The following TLN1 variants were observed in gnomAD, a reference collection of about 807,000 sequenced individuals.
The protein encoded by TLN1 is talin 1.
In TLN1, 56 loss-of-function variants were observed where a neutral mutation model predicts 292.3. That is an observed-to-expected ratio of 0.19 (90% CI 0.15 to 0.24). The LOEUF (loss-of-function observed/expected upper bound fraction) is 0.24, where lower values mean the gene tolerates loss of function less well. Ranked by LOEUF, TLN1 falls within the 10% of genes least tolerant of loss-of-function variation. TLN1 has a pLI of 1.00. For synonymous variants in TLN1, 1,119 were observed against 1,253.7 expected (o/e 0.89, Z 2.27); for missense variants, 2,433 against 3,248.2 (o/e 0.75, Z 6.10).
chr9:35,705,855 A>AG lies in TLN1; in HGVS notation c.5512-5dup, dbSNP rs748911351. 34 of 1,613,966 alleles carry AG rather than the reference A, an allele frequency of 2.1e-5. No homozygotes were observed. The Middle Eastern group carries it at 1.6e-3, about 78-fold the overall frequency. ...CACCCATTGGTCCTTCATCTAGCTG[A>AG]GGGGGGAGGATAGGGAAAGGGAAAG... On this transcript the variant is annotated splice_region_variant and splice_polypyrimidine_tract_variant and intron_variant, in intron 41 of 56. Coordinates refer to ENST00000314888, the MANE Select transcript of TLN1 (RefSeq NM_006289.4).
Position 35,718,921 on chromosome 9 carries a change from T to G in TLN1, c.1897-11A>C. 1 of 1,609,910 alleles carries G rather than the reference T, an allele frequency of 6.2e-7. No homozygotes were observed. Among genetic ancestry groups the G allele is most frequent in the South Asian group, 1.1e-5 (1 of 90,438 alleles). On this transcript the variant is annotated splice_polypyrimidine_tract_variant and intron_variant, in intron 16 of 56. Transcript: ENST00000314888. ...CAGGTTCTGACGGGGCTGTGGAGAG[T>G]GAACACCAGTCAGAAGCTGCCCAAT...
rs372281969 is a variant in TLN1 at position 35,719,622 on chromosome 9, A to G, written c.1584T>C (p.Ser528=). 15 of 1,613,948 alleles carry G rather than the reference A, an allele frequency of 9.3e-6. No individual in the cohort carries two copies. The highest frequency in any genetic ancestry group is 1.3e-5 in the Non-Finnish European group (15 of 1,179,806). ...CCATCTTGTTTTTACGCCAGGCCTT[A>G]GAGGCCTGAAAGAGAGAGGAAAAGC... ...TLPPLGQDAA[S]KAWRKNKMDE... The change falls in exon 15 of 57, where the codon TCT becomes TCC. Residue 528 remains serine, a synonymous_variant. Transcript: ENST00000314888. The surrounding 1 kb of genome is among the most constrained non-coding windows in gnomAD (Gnocchi z 4.6).
rs762166245 is a variant in TLN1 at position 35,698,160 on chromosome 9, C to T, written c.7384G>A (p.Ala2462Thr). The change falls in exon 56 of 57, where the codon GCA (alanine) becomes ACA (threonine). Residue 2462 changes from alanine to threonine, a missense_variant. This residue lies in a region of TLN1 where 141 missense variants were observed against 248.5 expected (regional missense o/e 0.57). Transcript: ENST00000314888. This position sits in a 1 kb window ranked among gnomAD's most constrained non-coding sequence, Gnocchi z 5.3. Reference protein sequence around the residue: ...AMKRLQAAGNAVKRASDNLVK... With the variant: ...AMKRLQAAGNTVKRASDNLVK... The stretch of plus-strand genomic sequence containing the variant: ...AGATTATCTGAGGCTCGCTTCACTG[C>T]GTTGCCAGCAGCCTGGGCAGAGAGA... The T allele has an allele frequency of 3.1e-6, 5 of 1,613,956 alleles. No individual in the cohort carries two copies. The highest frequency in any genetic ancestry group is 1.1e-5 in the South Asian group (1 of 91,086).
At position 35,714,917 on chromosome 9, in the gene TLN1, C is replaced by T. The variant is rs1442486325; in HGVS notation, c.2755-41G>A. On this transcript the variant is annotated intron_variant, in intron 21 of 56. Transcript: ENST00000314888. This position sits in a 1 kb window ranked among gnomAD's most constrained non-coding sequence, Gnocchi z 4.6. ...TAGTCAGACCAAGCCCATGGATTCC[C>T]ATGCCCAGCCCAGTCCCTGGCCTAC... The T allele has an allele frequency of 1.2e-6, 2 of 1,600,482 alleles. No homozygotes were observed. The highest frequency in any genetic ancestry group is 8.5e-7 in the Non-Finnish European group (1 of 1,173,198).
At position 35,724,307 on chromosome 9, in the gene TLN1, A is replaced by G; in HGVS notation, c.539T>C (p.Leu180Pro). 6.2e-7 allele frequency: 1 copy of G among 1,614,104 alleles called. No individual in the cohort carries two copies. The highest frequency in any genetic ancestry group is 8.5e-7 in the Non-Finnish European group (1 of 1,180,008). ...GTGCTCCTCTACACCCTGCTCCCTC[A>G]GTGTCCGACCATGGTCCAGCCAGTT... is the stretch of plus-strand genomic sequence containing the variant. Reference protein sequence around the residue: ...ELNWLDHGRTLREQGVEEHET... With the variant: ...ELNWLDHGRTPREQGVEEHET... The change falls in exon 6 of 57, where the codon CTG (leucine) becomes CCG (proline). Residue 180 changes from leucine to proline, a missense_variant. By Grantham distance (98) the Leu-to-Pro change is moderately conservative (BLOSUM62 -3). This residue lies in a region of TLN1 where 155 missense variants were observed against 287.9 expected (regional missense o/e 0.54). Coordinates refer to ENST00000314888, the MANE Select transcript of TLN1 (RefSeq NM_006289.4). The surrounding 1 kb of genome is among the most constrained non-coding windows in gnomAD (Gnocchi z 4.7).
intron 48 of TLN1, among the ~76,000 whole-genome samples, chr9:35,701,189 G>C (rs1825460731): frequency 6.6e-6 from 1 of 152,180 alleles, no homozygotes; most frequent in Admixed American, 6.5e-5. Flanking sequence ...AGAACTGATG[G>C]TGCAGGGGGA....
At chr9:35,728,423 C>T (rs1407635435) in intron 1 of TLN1, among the ~76,000 whole-genome samples, 13 of 152,128 alleles carry the variant, frequency 8.5e-5, no homozygotes, top group African/African-American at 1.2e-4. Flanking sequence ...CTGACATATC[C>T]GGCCTCAGGC....
At chr9:35,715,224 C>T in intron 20 of TLN1, 37 bp from the exon 21 acceptor site, 2 of 1,601,432 alleles carry the variant, frequency 1.2e-6, no homozygotes, top group Non-Finnish European at 8.5e-7. Flanking sequence ...TCACCCAGCT[C>T]TCCTGTGGAT....
chr9:35,724,905 C>T lies in TLN1; in HGVS notation c.283G>A (p.Gly95Arg). 8 of 1,614,216 alleles carry T rather than the reference C, an allele frequency of 5.0e-6. No homozygotes were observed. Among genetic ancestry groups the T allele is most frequent in the Non-Finnish European group, 6.8e-6 (8 of 1,180,052 alleles). ...QRPLKIRMLDGTVKTIMVDDS... is the reference protein window; with the variant it reads ...QRPLKIRMLDRTVKTIMVDDS... ...TCCACCATGATCGTCTTCACAGTTC[C>T]ATCCAGCATACGGATCTTCAGGGGT... Residue 95 changes from glycine to arginine, a missense_variant, in exon 4 of 57, where the codon GGA (glycine) becomes AGA (arginine). Transcript: ENST00000314888. This position sits in a 1 kb window ranked among gnomAD's most constrained non-coding sequence, Gnocchi z 4.7.
At position 35,698,869 on chromosome 9, in the gene TLN1, G is replaced by A; in HGVS notation, c.7064C>T (p.Ala2355Val). Residue 2355 changes from alanine (A) to valine (V), a missense_variant, in exon 53 of 57, where the codon GCC (alanine) becomes GTC (valine). By Grantham distance (64) the Ala-to-Val change is moderately conservative (BLOSUM62 0). This residue lies in a region of TLN1 where 141 missense variants were observed against 248.5 expected (regional missense o/e 0.57). Coordinates refer to ENST00000314888, the MANE Select transcript of TLN1 (RefSeq NM_006289.4). The surrounding 1 kb of genome is among the most constrained non-coding windows in gnomAD (Gnocchi z 5.3). ...ILEAAKSIAA[A>V]TSALVKAASA... ...CGCAGCCTTTACCAGTGCACTGGTGGCTGCTGCAATGGACTTGGCAGCTTC... is the reference window on the plus strand; with the variant it reads ...CGCAGCCTTTACCAGTGCACTGGTGACTGCTGCAATGGACTTGGCAGCTTC... The A allele has an allele frequency of 6.2e-7, 1 of 1,614,136 alleles. No homozygotes were observed. The highest frequency in any genetic ancestry group is 1.1e-5 in the South Asian group (1 of 91,084).
In TLN1 at chr9:35,706,791, G is replaced by C. The variant is rs2131886902; in HGVS notation, c.5065C>G (p.Pro1689Ala). ...SLAAVSQQLA[P>A]REGISQEALH... ...ACCTCTTGAGAGATTCCCTCACGGGGAGCAAGCTGCTGGCTGACTGCAGCG... is the reference window on the plus strand; with the variant it reads ...ACCTCTTGAGAGATTCCCTCACGGGCAGCAAGCTGCTGGCTGACTGCAGCG... Residue 1689 changes from proline (P) to alanine (A), a missense_variant, in exon 38 of 57, where the codon CCC (proline) becomes GCC (alanine). Transcript: ENST00000314888. The surrounding 1 kb of genome is among the most constrained non-coding windows in gnomAD (Gnocchi z 4.2). 1.9e-6 allele frequency: 3 copies of C among 1,613,962 alleles called. No homozygotes were observed. The highest frequency in any genetic ancestry group is 8.5e-7 in the Non-Finnish European group (1 of 1,179,994).
chr9:35,708,580 G>C (rs1825605959), intron 33 of TLN1, 96 bp from the exon 34 acceptor site: 1 of 1,266,040 alleles, frequency 7.9e-7, no homozygotes, highest in African/African-American at 1.5e-5. Flanking sequence ...GGTAAGTTTA[G>C]AGAATAGGGC....
chr9:35,716,038 A>T (rs1254180434), intron 20 of TLN1, among the ~76,000 whole-genome samples: 1 of 152,052 alleles, frequency 6.6e-6, no homozygotes, highest in Non-Finnish European at 1.5e-5. Flanking sequence ...GTACCTCATG[A>T]ATATGTAAAA....
At position 35,724,544 on chromosome 9, in the gene TLN1, A is replaced by G; in HGVS notation, c.511+28T>C. On this transcript the variant is annotated intron_variant, in intron 5 of 56. Coordinates refer to ENST00000314888, the MANE Select transcript of TLN1 (RefSeq NM_006289.4). The surrounding 1 kb of genome is among the most constrained non-coding windows in gnomAD (Gnocchi z 4.7). ...CCCCTTCCCACCCTTCCCATTTCAAAAGCCCTCTTTTTTCTAGTTCTGCTT... is the reference window on the plus strand; with the variant it reads ...CCCCTTCCCACCCTTCCCATTTCAAGAGCCCTCTTTTTTCTAGTTCTGCTT... 1 of 1,602,244 alleles carries G rather than the reference A, an allele frequency of 6.2e-7. No homozygotes were observed. The highest frequency in any genetic ancestry group is 8.5e-7 in the Non-Finnish European group (1 of 1,174,024).
Position 35,707,974 on chromosome 9 carries a change from G to T in TLN1, c.4471-82C>A. On this transcript the variant is annotated intron_variant, in intron 34 of 56. Transcript: ENST00000314888. This position sits in a 1 kb window ranked among gnomAD's most constrained non-coding sequence, Gnocchi z 5.6. The stretch of plus-strand genomic sequence containing the variant: ...AGGAGGAGCCATTTTAGGGTCAGGG[G>T]ATGGAGAGCAATACCCTGAGGAGTC... 2.7e-6 allele frequency: 4 copies of T among 1,502,160 alleles called. No homozygotes were observed. The highest frequency in any genetic ancestry group is 3.7e-6 in the Non-Finnish European group (4 of 1,093,826). 93.1% of individuals were successfully genotyped at this position (1,502,160 alleles called of 1,614,324 possible).
Position 35,699,252 on chromosome 9 carries a change from T to G in TLN1, c.6875-96A>C. 3.9e-6 allele frequency: 6 copies of G among 1,554,438 alleles called. No individual in the cohort carries two copies. Among genetic ancestry groups the G allele is most frequent in the Non-Finnish European group, 5.2e-6 (6 of 1,148,528 alleles). ...TAGTATCATCAGGCCCTGGCATCTG[T>G]GGGGACTATGGTCAGAGGCTAGCAC... On this transcript the variant is annotated intron_variant, in intron 51 of 56. Transcript: ENST00000314888. This position sits in a 1 kb window ranked among gnomAD's most constrained non-coding sequence, Gnocchi z 4.0.
intron 12 of TLN1, 35 bp downstream of exon 12, chr9:35,720,398 C>T (rs1825860500): frequency 6.2e-7 from 1 of 1,609,032 alleles, no homozygotes; most frequent in South Asian, 1.1e-5. Context: ...CTTCTCTACC[C>T]CTGGGAAATG....
chr9:35,720,748 A>T, intron 11 of TLN1, 64 bp downstream of exon 11: 2 of 1,499,106 alleles, frequency 1.3e-6, no homozygotes, highest in Non-Finnish European at 1.9e-6. Context: ...GCCCATTTCT[A>T]AAGGACTGGC....
chr9:35,728,387 G>C (rs1826014911), intron 1 of TLN1, among the ~76,000 whole-genome samples: 1 of 152,162 alleles, frequency 6.6e-6, no homozygotes, highest in Non-Finnish European at 1.5e-5. Context: ...GCAACCGCTG[G>C]CAGTGGGGGA....
Sources: allele counts gnomAD v4.1 joint callset (sites outside exome capture counted in the v4.1 genomes callset), GRCh38; gene constraint gnomAD v4.1.1; regional missense constraint gnomAD v4.1.1; non-coding constraint Gnocchi (gnomAD v3.1); transcripts MANE v1.5; gene names NCBI Gene and HGNC (gene_info 2026-07-23, HGNC 2026-07-21).